EXOC4: variants seen among roughly 807,000 people sequenced by gnomAD.
EXOC4 encodes the protein SEC8-like 1.
A neutral mutation model predicts 107.2 loss-of-function variants in EXOC4; 71 were observed. The ratio of observed to expected loss-of-function variants is 0.66; its 90% confidence interval spans 0.55 to 0.81. The LOEUF (loss-of-function observed/expected upper bound fraction) is 0.81, where lower values mean the gene tolerates loss of function less well. EXOC4 is among the 30% of genes least tolerant of loss of function. EXOC4 has a pLI of 0.00. For missense variants in EXOC4, 1,108 were observed against 1,189.6 expected, an observed-to-expected ratio of 0.93 and a Z score of 1.01; for synonymous variants, 456 against 441.2, an observed-to-expected ratio of 1.03 and a Z score of -0.42.
intron 10 of EXOC4, among the ~76,000 whole-genome samples, chr7:133,643,898 A>G (rs145797799): frequency 6.6e-6 from 1 of 152,272 alleles, no homozygotes; most frequent in East Asian, 1.9e-4. Context: ...TACTTCCTCT[A>G]CTGATCATTT....
At chr7:133,485,951 GTTTTC>G (rs1335286516) in intron 9 of EXOC4, among the ~76,000 whole-genome samples, 1 of 151,648 alleles carries the variant, frequency 6.6e-6, no homozygotes, top group Non-Finnish European at 1.5e-5. Context: ...TTTCCATTAT[GTTTTC>G]TTTTCTATCT....
rs56109624 is a variant in EXOC4 at position 133,517,747 on chromosome 7, C to T, written c.1417+37609C>T. ...CAATACGTGGTAATTAAGGGAGCTA[C>T]AAGTCAAGGTGAGATTTGGATGGTG... On this transcript the variant is annotated intron_variant, in intron 9 of 17. Coordinates refer to ENST00000253861, the MANE Select transcript of EXOC4 (RefSeq NM_021807.4). 9.8e-4 allele frequency among the ~76,000 whole-genome samples: 149 copies of T among 152,250 alleles called. No homozygotes were observed. In the Middle Eastern group the frequency reaches 0.014, roughly 14 times the overall value.
At chr7:133,498,022 A>C (rs1382394581) in intron 9 of EXOC4, among the ~76,000 whole-genome samples, 1 of 152,138 alleles carries the variant, frequency 6.6e-6, no homozygotes, top group Non-Finnish European at 1.5e-5. Flanking sequence ...TAGCCCCCTG[A>C]GGAAAGCAGC....
chr7:133,963,013 T>A (rs1800981504), intron 14 of EXOC4, among the ~76,000 whole-genome samples: 1 of 152,252 alleles, frequency 6.6e-6, no homozygotes. Context: ...TTTCACATGC[T>A]GCACATGTAG....
rs1563085372 is a variant in EXOC4 at position 133,997,531 on chromosome 7, T to TC, written c.2252dup (p.Val752SerfsTer11). 6.2e-7 allele frequency: 1 copy of TC among 1,613,632 alleles called. No individual in the cohort carries two copies. Among genetic ancestry groups the TC allele is most frequent in the Non-Finnish European group, 8.5e-7 (1 of 1,179,756 alleles). On this transcript the variant is annotated frameshift_variant, in exon 15 of 18. Transcript: ENST00000253861. LOFTEE classifies it high-confidence loss of function. ...CAAGACAGCCACACGAACACGGATC[T>TC]CCCCCCAGTGTCAGAGCAGATCATG... is the stretch of plus-strand genomic sequence containing the variant.
intron 3 of EXOC4, among the ~76,000 whole-genome samples, chr7:133,297,493 A>C (rs1334555364): frequency 6.6e-6 from 1 of 152,192 alleles, no homozygotes; most frequent in East Asian, 1.9e-4. Flanking sequence ...AGAAGTTCTT[A>C]ATTCTAGTCC....
In EXOC4 at chr7:133,602,030, T is replaced by C. The variant is rs1801820034; in HGVS notation, c.1418-28015T>C. ...TTACAGGTTCGTATTTTTCAGTACTTTTGTTAACTATATAACCTCAGTTGG... is the reference window on the plus strand; with the variant it reads ...TTACAGGTTCGTATTTTTCAGTACTCTTGTTAACTATATAACCTCAGTTGG... On this transcript the variant is annotated intron_variant, in intron 9 of 17. Transcript: ENST00000253861. 2.6e-5 allele frequency: 4 copies of C among 152,408 alleles called. No individual in the cohort carries two copies. The South Asian group carries it at 8.3e-4, about 32-fold the overall frequency. 9.4% of individuals were successfully genotyped at this position (152,408 alleles called of 1,614,324 possible).
At chr7:133,813,889 C>T (rs759112446) in intron 10 of EXOC4, among the ~76,000 whole-genome samples, 5 of 152,010 alleles carry the variant, frequency 3.3e-5, no homozygotes, top group Admixed American at 6.6e-5. Flanking sequence ...GAGCGTTTAA[C>T]TGGTAATATG....
intron 9 of EXOC4, among the ~76,000 whole-genome samples, chr7:133,498,961 T>C (rs1799528192): frequency 6.6e-6 from 1 of 152,200 alleles, no homozygotes; most frequent in Non-Finnish European, 1.5e-5. Flanking sequence ...ATTAATGCCA[T>C]CTTTAAGATA....
chr7:133,321,069 G>C lies in EXOC4; in HGVS notation c.763+3679G>C, dbSNP rs1795099284. Among the ~76,000 whole-genome samples, 3 of 152,288 alleles carry C rather than the reference G, an allele frequency of 2.0e-5. No homozygotes were observed. The South Asian group carries it at 6.2e-4, about 32-fold the overall frequency. The stretch of plus-strand genomic sequence containing the variant: ...TTTGTGAAACAGTAAGATTGAGGGT[G>C]TAATCCATTAGAATTGACACTTTTA... On this transcript the variant is annotated intron_variant, in intron 5 of 17. Transcript: ENST00000253861.
chr7:133,299,390 G>C (rs1794593333), intron 3 of EXOC4, among the ~76,000 whole-genome samples: 1 of 152,072 alleles, frequency 6.6e-6, no homozygotes, highest in East Asian at 1.9e-4. Flanking sequence ...AGACTTGGCT[G>C]TTGCTACTTT....
At chr7:133,749,831 A>G (rs1410886443) in intron 10 of EXOC4, among the ~76,000 whole-genome samples, 5 of 152,176 alleles carry the variant, frequency 3.3e-5, no homozygotes, top group African/African-American at 7.2e-5. Flanking sequence ...CCAATGGTCA[A>G]TTATTTTTCT....
At chr7:134,055,765 T>A (rs1417976065) in intron 17 of EXOC4, among the ~76,000 whole-genome samples, 1 of 152,214 alleles carries the variant, frequency 6.6e-6, no homozygotes, top group Non-Finnish European at 1.5e-5. Context: ...CTAGTTTTGC[T>A]TTACTTTAAA....
chr7:133,477,512 A>G (rs999189015), intron 8 of EXOC4, among the ~76,000 whole-genome samples: 8 of 152,144 alleles, frequency 5.3e-5, no homozygotes, highest in Admixed American at 5.2e-4. Context: ...GCTGAGTAAC[A>G]TTCCTTTGTG....
At chr7:133,879,302 C>T (rs1371334984) in intron 11 of EXOC4, among the ~76,000 whole-genome samples, 1 of 151,990 alleles carries the variant, frequency 6.6e-6, no homozygotes, top group Non-Finnish European at 1.5e-5. Context: ...GCCATGTTGC[C>T]TAGGCTGGTC....
rs550300849 is a variant in EXOC4, at chr7:133,899,774, CAG to C, written c.1871+4042_1871+4043del. ...TTTTTTTTTTTTTTTTTTTTTGAGA[CAG>C]AGTCTTTTGCCAGAGCTGGAGTGCA... is the stretch of plus-strand genomic sequence containing the variant. On this transcript the variant is annotated intron_variant, in intron 12 of 17. Transcript: ENST00000253861. Among the ~76,000 whole-genome samples, 7 of 107,800 alleles carry C rather than the reference CAG, an allele frequency of 6.5e-5. No individual in the cohort carries two copies. In the South Asian group the frequency reaches 2.1e-3, roughly 33 times the overall value. The allele number at this position is 107,800 out of a possible 152,430, so 70.7% of individuals were successfully genotyped here. A position where few individuals can be genotyped will look rare whatever the true frequency, so the allele number is the denominator to read the frequency against.
intron 9 of EXOC4, among the ~76,000 whole-genome samples, chr7:133,523,144 C>T (rs941758753): frequency 6.6e-5 from 10 of 152,176 alleles, no homozygotes; most frequent in South Asian, 2.1e-4. Flanking sequence ...TGAGACTGCC[C>T]CCTTCTAGGA....
Position 133,356,571 on chromosome 7 carries a change from A to G in EXOC4, c.1005A>G (p.Pro335=), listed in dbSNP as rs139150672. ...RGENVTVENQ[P]RLLLELLELL... is the part of the protein sequence containing the mutation. Reference sequence around the variant, plus strand: ...AGAACGTTACTGTGGAGAACCAACCAAGGTAGGTGGGAGTGTATTTTGTAT... The same window carrying G: ...AGAACGTTACTGTGGAGAACCAACCGAGGTAGGTGGGAGTGTATTTTGTAT... The change falls in exon 6 of 18, where the codon CCA becomes CCG. Residue 335 remains proline, a splice_region_variant and synonymous_variant. Coordinates refer to ENST00000253861, the MANE Select transcript of EXOC4 (RefSeq NM_021807.4). 265 of 1,613,894 alleles carry G rather than the reference A, an allele frequency of 1.6e-4. No individual in the cohort carries two copies. The African/African-American group carries it at 3.3e-3, about 20-fold the overall frequency.
the EXOC4 span, among the ~76,000 whole-genome samples, chr7:134,079,942 C>T: frequency 6.6e-5 from 10 of 152,170 alleles, no homozygotes; most frequent in Admixed American, 5.9e-4. Flanking sequence ...GCTCCCTCTC[C>T]AAGGATACAG....
Sources: allele counts gnomAD v4.1 joint callset (sites outside exome capture counted in the v4.1 genomes callset), GRCh38; gene constraint gnomAD v4.1.1; transcripts MANE v1.5; gene names NCBI Gene and HGNC (gene_info 2026-07-23, HGNC 2026-07-21).